Variants in INTS4 observed in about 807,000 individuals in gnomAD.
INTS4 encodes MSTP093.
INTS4 carries 70 observed loss-of-function variants against 119.5 expected under a neutral mutation model. The ratio of observed to expected loss-of-function variants is 0.59; its 90% CI spans 0.48 to 0.71. INTS4 has a LOEUF of 0.71. Ranked by LOEUF, INTS4 falls within the 30% of genes least tolerant of loss-of-function variation. The pLI, the probability that INTS4 is intolerant of heterozygous loss-of-function variation, is 0.00. For missense variants in INTS4, 867 were observed against 1,173.2 expected, an observed-to-expected ratio of 0.74 and a Z score of 3.81; for synonymous variants, 316 against 419.6, an observed-to-expected ratio of 0.75 and a Z score of 3.02.
In INTS4 at chr11:77,931,161, G is replaced by A. The variant is rs142088248; in HGVS notation, c.1166-2614C>T. Among the ~76,000 whole-genome samples the A allele has an allele frequency of 5.8e-3, 883 of 152,290 alleles. 9 individuals are homozygous for A. The highest frequency in any genetic ancestry group is 0.02 in the African/African-American group (836 of 41,552). On this transcript the variant is annotated intron_variant, in intron 10 of 22. Coordinates refer to ENST00000534064, the MANE Select transcript of INTS4 (RefSeq NM_033547.4). Reference sequence around the variant, plus strand: ...TCAGAGGTGGCTTTCTGTAATATGTGATCCCTAAAAACAATAACTAAAAGA... The same window carrying A: ...TCAGAGGTGGCTTTCTGTAATATGTAATCCCTAAAAACAATAACTAAAAGA...
chr11:77,960,888 C>G, intron 5 of INTS4, 65 bp downstream of exon 5: 2 of 1,398,700 alleles, frequency 1.4e-6, no homozygotes, highest in Non-Finnish European at 2.0e-6. Flanking sequence ...CAAGGCAGCA[C>G]TAGCTATAAA....
chr11:77,979,436 C>A (rs1021456761), intron 3 of INTS4, among the ~76,000 whole-genome samples: 1 of 151,832 alleles, frequency 6.6e-6, no homozygotes, highest in Non-Finnish European at 1.5e-5. Flanking sequence ...AATCGCGCCA[C>A]AGCACTCCAG....
chr11:77,984,213 C>T (rs1352652226), intron 2 of INTS4, among the ~76,000 whole-genome samples: 1 of 152,080 alleles, frequency 6.6e-6, no homozygotes, highest in Non-Finnish European at 1.5e-5. Flanking sequence ...TAGAATGAGA[C>T]CGGGCACAGT....
chr11:77,954,336 G>A (rs1327307442), intron 8 of INTS4, among the ~76,000 whole-genome samples: 1 of 151,712 alleles, frequency 6.6e-6, no homozygotes, highest in Non-Finnish European at 1.5e-5. Flanking sequence ...GAAAAATAGA[G>A]ATGGGGTCTT....
intron 19 of INTS4, among the ~76,000 whole-genome samples, chr11:77,893,928 A>G (rs1952394725): frequency 2.0e-5 from 1 of 50,616 alleles, no homozygotes; most frequent in African/African-American, 6.9e-5. Context: ...AATAAATAAG[A>G]ATGGTGTGAA....
chr11:77,955,828 G>A (rs1954306449), intron 8 of INTS4, 114 bp downstream of exon 8: 1 of 882,876 alleles, frequency 1.1e-6, no homozygotes. Context: ...TGAGGCAGGA[G>A]GACTGCTTGA....
chr11:77,967,311 A>T (rs1789772448), intron 4 of INTS4, among the ~76,000 whole-genome samples: 2 of 152,178 alleles, frequency 1.3e-5, no homozygotes, highest in Admixed American at 6.5e-5. Flanking sequence ...GCTCTCTCTC[A>T]TGCACAGGGG....
At chr11:77,922,811 G>A (rs1352248556) in intron 12 of INTS4, 5 of 337,944 alleles carry the variant, frequency 1.5e-5, no homozygotes, top group Admixed American at 4.5e-5. Context: ...ACCACTATTG[G>A]TCTAAACCCA....
At chr11:77,907,674 A>G (rs1336491852) in intron 16 of INTS4, 43 bp downstream of exon 16, 1 of 1,451,788 alleles carries the variant, frequency 6.9e-7, no homozygotes, top group Non-Finnish European at 9.7e-7. Flanking sequence ...ACAAAGATGC[A>G]TTTTTAGCAA....
At chr11:77,994,442 C>T in intron 1 of INTS4, 148 bp downstream of exon 1, 1 of 655,842 alleles carries the variant, frequency 1.5e-6, no homozygotes, top group Non-Finnish European at 2.8e-6. Context: ...CAAACTAACA[C>T]GCCCACTAAC....
intron 1 of INTS4, among the ~76,000 whole-genome samples, chr11:77,993,860 G>A (rs1856794877): frequency 6.6e-6 from 1 of 151,872 alleles, no homozygotes; most frequent in Non-Finnish European, 1.5e-5. Context: ...TTTGAACAAC[G>A]TCCCCAGGTA....
At chr11:77,959,299 G>A (rs1171556137) in intron 6 of INTS4, among the ~76,000 whole-genome samples, 1 of 152,118 alleles carries the variant, frequency 6.6e-6, no homozygotes, top group African/African-American at 2.4e-5. Flanking sequence ...CCTACCCTTA[G>A]CTCTGATTTC....
chr11:77,911,094 G>C (rs1046976669), intron 15 of INTS4: 14 of 1,285,230 alleles, frequency 1.1e-5, no homozygotes, highest in Non-Finnish European at 1.4e-5. Context: ...ATGCTCGGCA[G>C]GTAACGTTAC....
intron 19 of INTS4, among the ~76,000 whole-genome samples, chr11:77,892,522 C>T (rs557034648): frequency 6.6e-6 from 1 of 152,316 alleles, no homozygotes; most frequent in African/African-American, 2.4e-5. Context: ...AGACTCTCTA[C>T]TTTAAAGAAA....
chr11:77,948,161 T>C (rs893259748), intron 8 of INTS4, among the ~76,000 whole-genome samples: 7 of 149,496 alleles, frequency 4.7e-5, no homozygotes, highest in Admixed American at 2.0e-4. Context: ...CTGAAGACTC[T>C]GTAGTAACTA....
At chr11:77,887,612 G>C (rs1952071684) in intron 21 of INTS4, among the ~76,000 whole-genome samples, 1 of 152,120 alleles carries the variant, frequency 6.6e-6, no homozygotes, top group South Asian at 2.1e-4. Flanking sequence ...TATTCAATTA[G>C]GAAAAGAGGA....
At chr11:77,949,627 C>G (rs529710191) in intron 8 of INTS4, among the ~76,000 whole-genome samples, 1 of 151,914 alleles carries the variant, frequency 6.6e-6, no homozygotes, top group Non-Finnish European at 1.5e-5. Flanking sequence ...AGCTCATCAT[C>G]ACTGGTCATT....
intron 4 of INTS4, among the ~76,000 whole-genome samples, chr11:77,970,126 G>C (rs1251502963): frequency 3.3e-5 from 5 of 152,352 alleles, no homozygotes; most frequent in African/African-American, 1.2e-4. Flanking sequence ...GCCAGGTGCA[G>C]TGGCTCATGC....
chr11:77,892,739 C>T (rs773786995), intron 19 of INTS4, among the ~76,000 whole-genome samples: 4 of 152,068 alleles, frequency 2.6e-5, no homozygotes, highest in South Asian at 2.1e-4. Flanking sequence ...CCCACCACCA[C>T]GCCCTACTAA....
Sources: gnomAD v4.1 joint callset for allele counts (sites outside exome capture counted in the v4.1 genomes callset) on GRCh38, gnomAD v4.1.1 for gene constraint, MANE v1.5 for transcripts, NCBI Gene and HGNC (gene_info 2026-07-23, HGNC 2026-07-21) for gene names.